ANKMY2: variants seen among roughly 807,000 people sequenced by gnomAD.
ANKMY2 encodes ankyrin repeat and MYND domain containing 2.
Under a neutral mutation model 50.4 loss-of-function variants are expected in ANKMY2, and 36 were observed. That is an observed-to-expected ratio of 0.71 (90% CI 0.55 to 0.94). The LOEUF (loss-of-function observed/expected upper bound fraction) is 0.94. ANKMY2 is among the 40% of genes least tolerant of loss of function. The pLI is 0.00. For synonymous variants in ANKMY2, 187 were observed against 178.8 expected (o/e 1.05, Z -0.36); for missense variants, 565 against 524.0 (o/e 1.08, Z -0.76).
chr7:16,616,101 T>C (rs1000670687), intron 4 of ANKMY2, among the ~76,000 whole-genome samples, 197 bp from the exon 5 acceptor site: 6 of 152,202 alleles, frequency 3.9e-5, no homozygotes, highest in African/African-American at 7.2e-5. Context: ...GTAAAGTTGA[T>C]AAACAATCTT....
At chr7:16,608,582 G>T (rs1248080371) in intron 7 of ANKMY2, among the ~76,000 whole-genome samples, 1 of 152,184 alleles carries the variant, frequency 6.6e-6, no homozygotes, top group Non-Finnish European at 1.5e-5. Flanking sequence ...AGGGAGGGAG[G>T]AAGCCATGGA....
Position 16,602,489 on chromosome 7 carries a change from G to C in ANKMY2, c.1032C>G (p.Thr344=). The C allele has an allele frequency of 6.2e-7, 1 of 1,612,892 alleles. No individual in the cohort carries two copies. Among genetic ancestry groups the C allele is most frequent in the Non-Finnish European group, 8.5e-7 (1 of 1,179,636 alleles). ...VCKMVIYCDQ[T]CQKTHWFTHK... is the part of the protein sequence containing the mutation. ...GAGTAAACCAGTGTGTTTTCTGGCA[G>C]GTTTGATCACAATATATTACCTGAA... The change falls in exon 9 of 10, where the codon ACC becomes ACG. Residue 344 remains threonine (T), a synonymous_variant. Coordinates refer to ENST00000306999, the MANE Select transcript of ANKMY2 (RefSeq NM_020319.3).
chr7:16,600,492 A>G lies in ANKMY2; in HGVS notation c.*269T>C, dbSNP rs1371135267. 3.6e-6 allele frequency: 1 copy of G among 276,396 alleles called. No homozygotes were observed. The highest frequency in any genetic ancestry group is 6.7e-6 in the Non-Finnish European group (1 of 149,336). 17.1% of individuals were successfully genotyped at this position (276,396 alleles called of 1,614,324 possible). ...ATTTTCCTTTGAAACAATTGCTGGA[A>G]AGCCAGCCTCAGAAAGGTAATAGGA... On this transcript the variant is annotated 3_prime_UTR_variant, in exon 10 of 10. Coordinates refer to ENST00000306999, the MANE Select transcript of ANKMY2 (RefSeq NM_020319.3).
At chr7:16,618,669 A>C (rs922592274) in intron 4 of ANKMY2, among the ~76,000 whole-genome samples, 3 of 152,104 alleles carry the variant, frequency 2.0e-5, no homozygotes, top group African/African-American at 7.2e-5. Flanking sequence ...TAAAAATGTG[A>C]AATGAGCCAA....
intron 5 of ANKMY2, among the ~76,000 whole-genome samples, chr7:16,614,298 A>G (rs1352358703): frequency 2.6e-5 from 4 of 152,202 alleles, no homozygotes; most frequent in Non-Finnish European, 5.9e-5. Context: ...GCCCTCTGTA[A>G]TCTCCACTAG....
chr7:16,626,383 T>C (rs754228805), intron 3 of ANKMY2, among the ~76,000 whole-genome samples: 17 of 152,236 alleles, frequency 1.1e-4, no homozygotes, highest in Non-Finnish European at 1.9e-4. Context: ...ATCCTACAAA[T>C]GAAAATGTTA....
chr7:16,634,721 T>A (rs1017269273), intron 2 of ANKMY2, among the ~76,000 whole-genome samples: 2 of 152,238 alleles, frequency 1.3e-5, no homozygotes, highest in African/African-American at 4.8e-5. Flanking sequence ...ACCTCAAGCA[T>A]CTGAGAACAT....
At chr7:16,644,816 G>T in intron 1 of ANKMY2, 1 of 438,918 alleles carries the variant, frequency 2.3e-6, no homozygotes, top group Non-Finnish European at 4.7e-6. Flanking sequence ...GGCACGCCTT[G>T]GGGGAGTGGA....
At chr7:16,640,154 G>A (rs1389322454) in intron 1 of ANKMY2, among the ~76,000 whole-genome samples, 3 of 152,094 alleles carry the variant, frequency 2.0e-5, no homozygotes, top group South Asian at 4.2e-4. Flanking sequence ...CGACAAGAGC[G>A]AGACTCTGTC....
chr7:16,616,311 T>C (rs1157357937), intron 4 of ANKMY2, among the ~76,000 whole-genome samples: 1 of 152,170 alleles, frequency 6.6e-6, no homozygotes, highest in Non-Finnish European at 1.5e-5. Context: ...ATTTACTCCA[T>C]ATAAAGTATT....
chr7:16,601,133 T>C (rs549720703), intron 9 of ANKMY2, among the ~76,000 whole-genome samples, 188 bp from the exon 10 acceptor site: 2 of 152,322 alleles, frequency 1.3e-5, no homozygotes, highest in African/African-American at 4.8e-5. Flanking sequence ...TGCTGCAAGT[T>C]TCCTGGCTAG....
intron 1 of ANKMY2, among the ~76,000 whole-genome samples, chr7:16,640,513 T>A (rs1371070404): frequency 6.6e-6 from 1 of 152,140 alleles, no homozygotes; most frequent in Non-Finnish European, 1.5e-5. Context: ...CAATCGTTAT[T>A]CATTATTATT....
chr7:16,613,509 G>A (rs1011358993), intron 5 of ANKMY2, among the ~76,000 whole-genome samples: 5 of 152,080 alleles, frequency 3.3e-5, no homozygotes, highest in African/African-American at 1.2e-4. Flanking sequence ...GCAAGGTCTG[G>A]TCTGGAGGAA....
intron 4 of ANKMY2, among the ~76,000 whole-genome samples, chr7:16,619,310 C>T (rs111489753): frequency 0.017 from 2,643 of 152,172 alleles, 82 homozygotes; most frequent in African/African-American, 0.06. Context: ...CCTGCCACCA[C>T]GCCCAACTAA....
intron 9 of ANKMY2, among the ~76,000 whole-genome samples, chr7:16,601,865 C>T (rs1781072579): frequency 6.6e-6 from 1 of 152,038 alleles, no homozygotes; most frequent in Non-Finnish European, 1.5e-5. Context: ...AAAAAAAATA[C>T]AAAATTCACT....
intron 4 of ANKMY2, 31 bp downstream of exon 4, chr7:16,624,952 A>T (rs1343751223): frequency 6.3e-7 from 1 of 1,585,786 alleles, no homozygotes. Flanking sequence ...TTTTGGGTAT[A>T]ATCTAATGCA....
intron 7 of ANKMY2, among the ~76,000 whole-genome samples, chr7:16,608,489 C>A (rs1781194790): frequency 6.6e-6 from 1 of 151,994 alleles, no homozygotes; most frequent in African/African-American, 2.4e-5. Flanking sequence ...CATCTGGAGC[C>A]CACTTGAAGC....
chr7:16,608,107 T>C (rs1358771078), intron 7 of ANKMY2, among the ~76,000 whole-genome samples: 1 of 151,996 alleles, frequency 6.6e-6, no homozygotes, highest in African/African-American at 2.4e-5. Context: ...AAGGGAAAGA[T>C]GAGAAAGTGT....
intron 4 of ANKMY2, among the ~76,000 whole-genome samples, 181 bp downstream of exon 4, chr7:16,624,802 G>T (rs968172160): frequency 6.6e-6 from 1 of 152,104 alleles, no homozygotes; most frequent in Non-Finnish European, 1.5e-5. Flanking sequence ...GTGGAAATTC[G>T]AAATAGCCAT....
Sources: gnomAD v4.1 joint callset for allele counts (sites outside exome capture counted in the v4.1 genomes callset) on GRCh38, gnomAD v4.1.1 for gene constraint, MANE v1.5 for transcripts, NCBI Gene and HGNC (gene_info 2026-07-23, HGNC 2026-07-21) for gene names.